RASGRF2: variants seen among roughly 807,000 people sequenced by gnomAD.
The protein encoded by RASGRF2 is ras-specific guanine nucleotide-releasing factor 2.
RASGRF2 carries 76 observed loss-of-function variants against 151.0 expected under a neutral mutation model. The ratio of observed to expected loss-of-function variants is 0.50; its 90% CI spans 0.42 to 0.61. The LOEUF is 0.61. Ranked by LOEUF, RASGRF2 falls within the 20% of genes least tolerant of loss-of-function variation. The pLI, the probability that RASGRF2 is intolerant of heterozygous loss-of-function variation, is 0.00. For missense variants in RASGRF2, 1,148 were observed against 1,564.6 expected (o/e 0.73, Z 4.49); for synonymous variants, 504 against 566.5 (o/e 0.89, Z 1.57).
chr5:80,973,050 A>T (rs1206576883), intron 1 of RASGRF2, among the ~76,000 whole-genome samples: 1 of 152,136 alleles, frequency 6.6e-6, no homozygotes, highest in Non-Finnish European at 1.5e-5. Context: ...TCTAAACTTT[A>T]TGTAGTATAA....
chr5:81,080,443 G>A lies in RASGRF2; in HGVS notation c.968-153G>A, dbSNP rs1409155558. On this transcript the variant is annotated intron_variant, in intron 6 of 26. Transcript: ENST00000265080. ...GGCTGGAGTCAAGTGCTGCCCATGAGTGCATTCTACCAGATCATCATTCAG... is the reference window on the plus strand; with the variant it reads ...GGCTGGAGTCAAGTGCTGCCCATGAATGCATTCTACCAGATCATCATTCAG... Among the ~76,000 whole-genome samples, 5 of 152,136 alleles carry A rather than the reference G, an allele frequency of 3.3e-5. No homozygotes were observed. The East Asian group carries it at 9.6e-4, about 29-fold the overall frequency.
intron 2 of RASGRF2, among the ~76,000 whole-genome samples, chr5:81,046,811 C>T (rs756418845): frequency 2.0e-5 from 3 of 152,140 alleles, no homozygotes; most frequent in Admixed American, 6.5e-5. Flanking sequence ...AAAGACAACT[C>T]TTCAATGTTT....
At chr5:81,194,029 C>T (rs1349124965) in intron 18 of RASGRF2, among the ~76,000 whole-genome samples, 10 of 151,998 alleles carry the variant, frequency 6.6e-5, no homozygotes, top group East Asian at 5.8e-4. Flanking sequence ...TTGCTATTGA[C>T]GATTAAATGA....
intron 2 of RASGRF2, among the ~76,000 whole-genome samples, chr5:81,060,492 A>G (rs993487726): frequency 6.6e-6 from 1 of 152,046 alleles, no homozygotes; most frequent in African/African-American, 2.4e-5. Flanking sequence ...TTTCCTCTAC[A>G]GTACTCATCA....
chr5:81,053,377 T>G (rs891758136), intron 2 of RASGRF2, among the ~76,000 whole-genome samples: 7 of 149,892 alleles, frequency 4.7e-5, no homozygotes, highest in Admixed American at 4.7e-4. Flanking sequence ...CATGCGGTGT[T>G]TGGTTTTTTG....
intron 17 of RASGRF2, among the ~76,000 whole-genome samples, chr5:81,127,923 C>CAAAAAAA (rs60196392): frequency 1.2e-3 from 79 of 64,822 alleles, no homozygotes; most frequent in African/African-American, 3.7e-3. Flanking sequence ...GACTCCGTCT[C>CAAAAAAA]AAAAAAAAAA....
chr5:81,147,589 A>C (rs1754034964), intron 17 of RASGRF2, among the ~76,000 whole-genome samples: 1 of 152,208 alleles, frequency 6.6e-6, no homozygotes. Context: ...ATGTGCTCTT[A>C]TGTGTGTGTT....
At chr5:81,160,883 C>T (rs1298428001) in intron 17 of RASGRF2, among the ~76,000 whole-genome samples, 2 of 151,936 alleles carry the variant, frequency 1.3e-5, no homozygotes, top group Admixed American at 6.6e-5. Flanking sequence ...AAAAAACAAA[C>T]AACAGCAACA....
intron 4 of RASGRF2, among the ~76,000 whole-genome samples, chr5:81,072,262 T>C (rs1214581045): frequency 3.3e-5 from 5 of 152,206 alleles, no homozygotes; most frequent in Admixed American, 2.0e-4. Context: ...CCCCACATGA[T>C]TGTGTTAAAA....
At chr5:81,079,378 T>C (rs982760618) in intron 5 of RASGRF2, among the ~76,000 whole-genome samples, 11 of 152,204 alleles carry the variant, frequency 7.2e-5, no homozygotes, top group African/African-American at 2.2e-4. Flanking sequence ...TTGATGTCTG[T>C]TGTAATGGAA....
intron 17 of RASGRF2, among the ~76,000 whole-genome samples, chr5:81,162,343 GTTTTGT>G (rs766784805): frequency 2.0e-5 from 3 of 151,852 alleles, no homozygotes; most frequent in African/African-American, 7.3e-5. Context: ...GGGTTTTTTT[GTTTTGT>G]TTTTGTTTTT....
At chr5:81,005,211 G>A (rs972067856) in intron 1 of RASGRF2, among the ~76,000 whole-genome samples, 10 of 152,162 alleles carry the variant, frequency 6.6e-5, no homozygotes, top group African/African-American at 2.4e-4. Flanking sequence ...CAATTTAGAA[G>A]GGAAAGAGGT....
chr5:81,062,640 T>C (rs545343828), intron 2 of RASGRF2, among the ~76,000 whole-genome samples: 55 of 152,250 alleles, frequency 3.6e-4, no homozygotes, highest in Non-Finnish European at 6.5e-4. Flanking sequence ...TTATAACAAA[T>C]ATTGTGTCCC....
chr5:81,161,682 A>G (rs957430530), intron 17 of RASGRF2, among the ~76,000 whole-genome samples: 7 of 152,148 alleles, frequency 4.6e-5, no homozygotes, highest in African/African-American at 1.4e-4. Flanking sequence ...GATCTCTTAG[A>G]CAATATATAA....
chr5:81,197,035 T>C (rs895999956), intron 18 of RASGRF2, among the ~76,000 whole-genome samples: 1 of 152,204 alleles, frequency 6.6e-6, no homozygotes, highest in African/African-American at 2.4e-5. Context: ...TGTTTGGCAA[T>C]AAATAGGTGA....
Position 81,229,612 on chromosome 5 carries a change from T to C in RASGRF2, c.*3842T>C, listed in dbSNP as rs1756068128. On this transcript the variant is annotated 3_prime_UTR_variant, in exon 27 of 27. Transcript: ENST00000265080. ...AACATTAGGATTGATAGCACTAGTC[T>C]GATCTGCTCAAGGAAAATAATAGTT... The C allele has an allele frequency of 6.6e-6, 1 of 152,260 alleles. No individual in the cohort carries two copies. Among genetic ancestry groups the C allele is most frequent in the South Asian group, 2.1e-4 (1 of 4,836 alleles). 9.4% of individuals were successfully genotyped at this position (152,260 alleles called of 1,614,324 possible).
intron 9 of RASGRF2, among the ~76,000 whole-genome samples, chr5:81,090,790 T>C (rs988103562): frequency 2.6e-5 from 4 of 152,218 alleles, no homozygotes; most frequent in Admixed American, 1.3e-4. Flanking sequence ...TTCTAAATTG[T>C]ATTTATTTTT....
At chr5:80,963,172 G>C (rs1337711439) in intron 1 of RASGRF2, among the ~76,000 whole-genome samples, 2 of 152,184 alleles carry the variant, frequency 1.3e-5, no homozygotes, top group Non-Finnish European at 2.9e-5. Context: ...TTATCCAGTT[G>C]GTTACCTCTC....
intron 12 of RASGRF2, chr5:81,095,939 C>A (rs1200952616): frequency 6.6e-6 from 1 of 152,148 alleles, no homozygotes; most frequent in Non-Finnish European, 1.5e-5. Context: ...TTGACTCTTA[C>A]AATAGTATTC....
Sources: gnomAD v4.1 joint callset for allele counts (sites outside exome capture counted in the v4.1 genomes callset) on GRCh38, gnomAD v4.1.1 for gene constraint, MANE v1.5 for transcripts, NCBI Gene and HGNC (gene_info 2026-07-23, HGNC 2026-07-21) for gene names.